DDX50: variants seen among roughly 807,000 people sequenced by gnomAD.
The protein encoded by DDX50 is ATP-dependent RNA helicase DDX50.
DDX50 carries 56 observed loss-of-function variants against 94.8 expected under a neutral mutation model. The observed-to-expected ratio is 0.59, with a 90% CI of 0.48 to 0.74. DDX50 has a LOEUF of 0.74. DDX50 is among the 30% of genes least tolerant of loss of function. The pLI, the probability that DDX50 is intolerant of heterozygous loss-of-function variation, is 0.00. For missense variants in DDX50, 713 were observed against 881.2 expected, an observed-to-expected ratio of 0.81 and a Z score of 2.42; for synonymous variants, 264 against 295.4, an observed-to-expected ratio of 0.89 and a Z score of 1.09.
At chr10:68,935,887 C>T in intron 10 of DDX50, 119 bp from the exon 11 acceptor site, 1 of 697,912 alleles carries the variant, frequency 1.4e-6, no homozygotes, top group Non-Finnish European at 2.3e-6. Context: ...TTTTAATCTG[C>T]TAGGGCTATG....
chr10:68,923,410 G>GT (rs1841994870), intron 8 of DDX50, among the ~76,000 whole-genome samples: 1 of 150,684 alleles, frequency 6.6e-6, no homozygotes, highest in African/African-American at 2.4e-5. Flanking sequence ...ATTTCTCTAA[G>GT]TTGCCCAGGC....
chr10:68,938,522 G>A (rs1283331017), intron 12 of DDX50, among the ~76,000 whole-genome samples: 2 of 152,316 alleles, frequency 1.3e-5, no homozygotes, highest in East Asian at 1.9e-4. Flanking sequence ...ACTAGAGCCT[G>A]CTGGTGGGAT....
At position 68,946,595 on chromosome 10, in the gene DDX50, T is replaced by C; in HGVS notation, c.2179T>C (p.Ser727Pro). 4 of 1,614,008 alleles carry C rather than the reference T, an allele frequency of 2.5e-6. No homozygotes were observed. Among genetic ancestry groups the C allele is most frequent in the Non-Finnish European group, 3.4e-6 (4 of 1,179,986 alleles). Reference protein sequence around the residue: ...GRRRSGNRNRSRSGGHKRSFD With the variant: ...GRRRSGNRNRPRSGGHKRSFD The stretch of plus-strand genomic sequence containing the variant: ...AAGACGAAGTGGGAATAGAAATCGA[T>C]CAAGAAGTGGGGGCCACAAACGGAG... The change falls in exon 15 of 15, where the codon TCA becomes CCA. Residue 727 changes from serine (S) to proline (P), a missense_variant. Transcript: ENST00000373585.
At position 68,913,669 on chromosome 10, in the gene DDX50, C is replaced by T. The variant is rs1287565155; in HGVS notation, c.943+93C>T. ...TTTAATAATTTTTATTGCAGTGTCC[C>T]CTGCGTTCTAACAAAACTAAAATAA... On this transcript the variant is annotated intron_variant, in intron 6 of 14. Transcript: ENST00000373585. The T allele has an allele frequency of 3.2e-6, 4 of 1,241,258 alleles. No individual in the cohort carries two copies. In the East Asian group the frequency reaches 7.5e-5, roughly 23 times the overall value. 76.9% of individuals were successfully genotyped at this position (1,241,258 alleles called of 1,614,324 possible).
At chr10:68,920,104 G>T (rs1384607638) in intron 8 of DDX50, 123 bp downstream of exon 8, 4 of 1,204,784 alleles carry the variant, frequency 3.3e-6, no homozygotes, top group Non-Finnish European at 4.8e-6. Context: ...GTAAGGCTGG[G>T]CATGGTGGCC....
In DDX50 at chr10:68,934,888, A is replaced by G. The variant is rs368087423; in HGVS notation, c.1491A>G (p.Arg497=). The part of the protein sequence containing the change: ...ICICFYQPRE[R]GQLRYVEQKA... ...TATGTTTTTATCAACCAAGAGAAAG[A>G]GGTCAACTAAGATATGTGGAACAAA... The change falls in exon 10 of 15, where the codon AGA becomes AGG. Residue 497 remains arginine, a synonymous_variant. Transcript: ENST00000373585. This position sits in a 1 kb window ranked among gnomAD's most constrained non-coding sequence, Gnocchi z 4.0. The G allele has an allele frequency of 6.2e-6, 10 of 1,613,096 alleles. No homozygotes were observed. Among genetic ancestry groups the G allele is most frequent in the Non-Finnish European group, 8.5e-6 (10 of 1,179,504 alleles).
In DDX50 at chr10:68,934,648, T is replaced by C; in HGVS notation, c.1402-151T>C. The C allele has an allele frequency of 9.2e-7, 1 of 1,085,454 alleles. No homozygotes were observed. The highest frequency in any genetic ancestry group is 1.3e-6 in the Non-Finnish European group (1 of 781,616). 67.2% of individuals were successfully genotyped at this position (1,085,454 alleles called of 1,614,324 possible). On this transcript the variant is annotated intron_variant, in intron 9 of 14. Coordinates refer to ENST00000373585, the MANE Select transcript of DDX50 (RefSeq NM_024045.2). This position sits in a 1 kb window ranked among gnomAD's most constrained non-coding sequence, Gnocchi z 4.0. ...AAAAGGTTTTAAATCATATTGCCTT[T>C]ACCCCAAAATCCACACATATAAATT...
chr10:68,902,221 A>G (rs1369184385), intron 1 of DDX50, among the ~76,000 whole-genome samples: 3 of 151,896 alleles, frequency 2.0e-5, no homozygotes, highest in Non-Finnish European at 4.4e-5. Flanking sequence ...AGGAAAAGAA[A>G]AAACATCCTG....
chr10:68,909,694 C>T (rs1841568419), intron 2 of DDX50, among the ~76,000 whole-genome samples: 1 of 151,936 alleles, frequency 6.6e-6, no homozygotes, highest in African/African-American at 2.4e-5. Flanking sequence ...CAGAGTTTCG[C>T]TCTTGTTGCC....
Position 68,943,188 on chromosome 10 carries a change from ATGTTTTGCTT to A in DDX50, c.1891-13_1891-4del. 2 of 1,602,488 alleles carry A rather than the reference ATGTTTTGCTT, an allele frequency of 1.2e-6. No homozygotes were observed. Among genetic ancestry groups the A allele is most frequent in the Non-Finnish European group, 1.7e-6 (2 of 1,176,570 alleles). On this transcript the variant is annotated splice_polypyrimidine_tract_variant and intron_variant, in intron 13 of 14. Coordinates refer to ENST00000373585, the MANE Select transcript of DDX50 (RefSeq NM_024045.2). ...TCTACACATATGCATCTAATTTAAA[ATGTTTTGCTT>A]TGTTTTGCTTTTAGGGTGTTTGCTT...
intron 2 of DDX50, among the ~76,000 whole-genome samples, chr10:68,909,727 A>G (rs996757807): frequency 5.3e-5 from 8 of 151,900 alleles, no homozygotes; most frequent in Non-Finnish European, 1.2e-4. Flanking sequence ...CCATGGTGCA[A>G]TCTCGGCTCA....
chr10:68,943,034 C>T (rs1298511576), intron 13 of DDX50, among the ~76,000 whole-genome samples, 179 bp from the exon 14 acceptor site: 2 of 152,116 alleles, frequency 1.3e-5, no homozygotes, highest in African/African-American at 4.8e-5. Context: ...ACAAACTCTT[C>T]TAGAGAATAC....
intron 8 of DDX50, among the ~76,000 whole-genome samples, chr10:68,929,332 T>TTTCCTTCC (rs1158722953): frequency 4.9e-4 from 71 of 144,018 alleles, no homozygotes; most frequent in Non-Finnish European, 8.3e-4. Flanking sequence ...TCTTTCTTTC[T>TTTCCTTCC]TTCCTTCCTT....
rs1340244099 is a variant in DDX50, at chr10:68,911,017, T to C, written c.461-51T>C. 3.1e-6 allele frequency: 4 copies of C among 1,293,692 alleles called. No individual in the cohort carries two copies. In the African/African-American group the frequency reaches 4.5e-5, roughly 15 times the overall value. The allele number at this position is 1,293,692 out of a possible 1,614,324, so 80.1% of individuals were successfully genotyped here. On this transcript the variant is annotated intron_variant, in intron 3 of 14. Transcript: ENST00000373585. ...TTGTCATTTTCAAATGAATATATTT[T>C]TTCCTAATGCTAGTCGTAAAGAAGT...
chr10:68,929,284 C>CCTTA, intron 8 of DDX50, among the ~76,000 whole-genome samples: 1 of 77,890 alleles, frequency 1.3e-5, no homozygotes, highest in East Asian at 2.7e-4. Context: ...TTCCTTCCTT[C>CCTTA]CTTCCTTCCT....
Position 68,936,840 on chromosome 10 carries a change from CAAA to C in DDX50, c.1596-86_1596-84del, listed in dbSNP as rs112454472. ...TGGGTGACAGAGCAAGGCTCTATCT[CAAA>C]AAAAAAAAATTACTCCTTCTTTTTC... On this transcript the variant is annotated intron_variant, in intron 11 of 14. Coordinates refer to ENST00000373585, the MANE Select transcript of DDX50 (RefSeq NM_024045.2). The C allele has an allele frequency of 1.6e-5, 17 of 1,038,608 alleles. No individual in the cohort carries two copies. In the East Asian group the frequency reaches 4.9e-4, roughly 30 times the overall value. 64.3% of individuals were successfully genotyped at this position (1,038,608 alleles called of 1,614,324 possible).
In DDX50 at chr10:68,937,028, C is replaced by G; in HGVS notation, c.1688C>G (p.Ala563Gly). The change falls in exon 12 of 15, where the codon GCT becomes GGT. Residue 563 changes from alanine to glycine, a missense_variant. By Grantham distance (60) the Ala-to-Gly change is moderately conservative. Around this residue, in one of 2 missense-constraint regions of DDX50, gnomAD observed 428 missense variants for 602.3 expected, o/e 0.71. Coordinates refer to ENST00000373585, the MANE Select transcript of DDX50 (RefSeq NM_024045.2). ...GAGAAAGGTGCAGTGGATGCATTGGCTGCAGCTTTAGCCCACATTTCTGGT... is the reference window on the plus strand; with the variant it reads ...GAGAAAGGTGCAGTGGATGCATTGGGTGCAGCTTTAGCCCACATTTCTGGT... The part of the protein sequence containing the change: ...IEEKGAVDAL[A>G]AALAHISGAS... The G allele has an allele frequency of 6.2e-7, 1 of 1,612,804 alleles. No individual in the cohort carries two copies. Among genetic ancestry groups the G allele is most frequent in the East Asian group, 2.2e-5 (1 of 44,886 alleles).
chr10:68,926,205 T>TA (rs769644075), intron 8 of DDX50, among the ~76,000 whole-genome samples: 3 of 49,104 alleles, frequency 6.1e-5, no homozygotes, highest in African/African-American at 2.0e-4. Context: ...TAAAATAAAA[T>TA]AAATAAAGTC....
rs1040463022 is a variant in DDX50, at chr10:68,902,287, G to C, written c.87+816G>C. 1.1e-4 allele frequency among the ~76,000 whole-genome samples: 16 copies of C among 151,800 alleles called. No homozygotes were observed. The East Asian group carries it at 3.1e-3, about 29-fold the overall frequency. On this transcript the variant is annotated intron_variant, in intron 1 of 14. Transcript: ENST00000373585. ...AAATGCCCAGGTAAAATTATTACTG[G>C]AGACATTTGACCTGGAAAAAAGAAA...
Sources: allele counts gnomAD v4.1 joint callset (sites outside exome capture counted in the v4.1 genomes callset), GRCh38; gene constraint gnomAD v4.1.1; regional missense constraint gnomAD v4.1.1; non-coding constraint Gnocchi (gnomAD v3.1); transcripts MANE v1.5; gene names NCBI Gene and HGNC (gene_info 2026-07-23, HGNC 2026-07-21).